RNF24: variants seen among roughly 807,000 people sequenced by gnomAD.
RNF24 encodes ring finger protein 24.
In RNF24, 14 loss-of-function variants were observed where a neutral mutation model predicts 20.0. The ratio of observed to expected loss-of-function variants is 0.70; its 90% CI spans 0.46 to 1.10. RNF24 has a LOEUF of 1.10. RNF24 is among the 50% of genes least tolerant of loss of function. The pLI is 0.00. For missense variants in RNF24, 124 were observed against 177.6 expected, an observed-to-expected ratio of 0.70 and a Z score of 1.71; for synonymous variants, 45 against 61.1, an observed-to-expected ratio of 0.74 and a Z score of 1.23.
chr20:4,012,070 T>C (rs1247661392), intron 1 of RNF24, among the ~76,000 whole-genome samples: 1 of 152,204 alleles, frequency 6.6e-6, no homozygotes, highest in Non-Finnish European at 1.5e-5. Context: ...AGCTAACACA[T>C]TGTAATAGCA....
rs369077562 is a variant in RNF24 at position 3,963,856 on chromosome 20, T to A, written c.143+19A>T. On this transcript the variant is annotated intron_variant, in intron 2 of 5. Transcript: ENST00000358395. ...TTATTTAACATATTTTGAAGTAACA[T>A]AGAATGAAAATTGGTTACCTAATCA... 265 of 1,528,204 alleles carry A rather than the reference T, an allele frequency of 1.7e-4. No individual in the cohort carries two copies. The highest frequency in any genetic ancestry group is 2.3e-4 in the Non-Finnish European group (254 of 1,120,708). The allele number at this position is 1,528,204 out of a possible 1,614,324, so 94.7% of individuals were successfully genotyped here.
chr20:3,928,617 C>G lies in RNF24; in HGVS notation c.*5446G>C. 1 of 151,402 alleles carries G rather than the reference C, an allele frequency of 6.6e-6. No individual in the cohort carries two copies. The highest frequency in any genetic ancestry group is 1.5e-5 in the Non-Finnish European group (1 of 67,822). 9.4% of individuals were successfully genotyped at this position (151,402 alleles called of 1,614,324 possible). ...CTAAAAATACAAAAAATTAGCCGAG[C>G]GTGGTGGCGGGCACCTGTTGTCCCA... On this transcript the variant is annotated 3_prime_UTR_variant, in exon 6 of 6. Coordinates refer to ENST00000358395, the MANE Select transcript of RNF24 (RefSeq NM_001134337.3).
intron 1 of RNF24, among the ~76,000 whole-genome samples, chr20:3,985,055 CAA>C (rs1329335815): frequency 8.5e-5 from 13 of 152,184 alleles, no homozygotes; most frequent in Non-Finnish European, 1.2e-4. Context: ...ACAACAACCA[CAA>C]CAACAACCAC....
At chr20:4,008,420 TATATATA>T (rs1213103251) in intron 1 of RNF24, among the ~76,000 whole-genome samples, 1 of 44,656 alleles carries the variant, frequency 2.2e-5, no homozygotes, top group African/African-American at 1.1e-4. Flanking sequence ...ATATATATAT[TATATATA>T]ATATATAATA....
At chr20:3,974,211 G>C (rs1978656323) in intron 1 of RNF24, 7 of 927,628 alleles carry the variant, frequency 7.5e-6, no homozygotes, top group Non-Finnish European at 9.2e-6. Flanking sequence ...AAATGGAAGA[G>C]AACTTCTTCA....
chr20:3,933,099 A>G lies in RNF24; in HGVS notation c.*964T>C. The G allele has an allele frequency of 2.6e-6, 1 of 378,922 alleles. No individual in the cohort carries two copies. Among genetic ancestry groups the G allele is most frequent in the African/African-American group, 2.2e-5 (1 of 45,694 alleles). The allele number at this position is 378,922 out of a possible 1,614,324, so 23.5% of individuals were successfully genotyped here. ...TTTTTTTTTTTTTTCTGAAGTAGAA[A>G]GAGAGATAGGGCAAGAGAGAGAAGA... On this transcript the variant is annotated 3_prime_UTR_variant, in exon 6 of 6. Transcript: ENST00000358395.
intron 4 of RNF24, among the ~76,000 whole-genome samples, chr20:3,939,160 TCTC>T (rs2090925624): frequency 6.6e-6 from 1 of 152,052 alleles, no homozygotes; most frequent in African/African-American, 2.4e-5. Flanking sequence ...TATGTTTATT[TCTC>T]CTTTTTGTTT....
chr20:3,988,792 T>A (rs938573669), intron 1 of RNF24, among the ~76,000 whole-genome samples: 3 of 152,180 alleles, frequency 2.0e-5, no homozygotes, highest in Non-Finnish European at 4.4e-5. Flanking sequence ...TTTTGGATAA[T>A]AGATTATGTT....
rs1429921679 is a variant in RNF24 at position 3,978,709 on chromosome 20, G to T, written c.-7-14685C>A. 2.0e-5 allele frequency among the ~76,000 whole-genome samples: 3 copies of T among 152,020 alleles called. No homozygotes were observed. The East Asian group carries it at 5.8e-4, about 29-fold the overall frequency. Reference sequence around the variant, plus strand: ...TATTTTTAAAAAAAGTAGAAATAAAGGCTAAAAAGCTATATGAACAATGAT... The same window carrying T: ...TATTTTTAAAAAAAGTAGAAATAAATGCTAAAAAGCTATATGAACAATGAT... On this transcript the variant is annotated intron_variant, in intron 1 of 5. Transcript: ENST00000358395.
At chr20:3,946,452 C>T (rs1234713982) in intron 3 of RNF24, among the ~76,000 whole-genome samples, 5 of 150,960 alleles carry the variant, frequency 3.3e-5, no homozygotes, top group Admixed American at 6.6e-5. Context: ...GAGACCCTGT[C>T]TCAAAACAAA....
chr20:3,998,464 A>T (rs1295419763), intron 1 of RNF24, among the ~76,000 whole-genome samples: 1 of 150,068 alleles, frequency 6.7e-6, no homozygotes, highest in Admixed American at 6.7e-5. Flanking sequence ...AGTCCCAGCT[A>T]CTTGGGAGGC....
intron 1 of RNF24, among the ~76,000 whole-genome samples, chr20:3,964,819 A>G (rs1338384212): frequency 6.6e-6 from 1 of 151,982 alleles, no homozygotes; most frequent in Non-Finnish European, 1.5e-5. Flanking sequence ...TGCCCGGCCA[A>G]TTTCTCCCCA....
At chr20:3,974,279 A>G in intron 1 of RNF24, 1 of 1,535,950 alleles carries the variant, frequency 6.5e-7, no homozygotes. Context: ...AACAATAACA[A>G]CAAAAACTGT....
At chr20:3,966,128 C>A (rs1243317141) in intron 1 of RNF24, among the ~76,000 whole-genome samples, 4 of 66,018 alleles carry the variant, frequency 6.1e-5, no homozygotes, top group Admixed American at 2.4e-4. Context: ...AGCGAGATTC[C>A]ATCTCAAAAA....
At chr20:3,944,004 G>A (rs1315581844) in intron 4 of RNF24, among the ~76,000 whole-genome samples, 1 of 152,104 alleles carries the variant, frequency 6.6e-6, no homozygotes, top group East Asian at 1.9e-4. Flanking sequence ...GAGGTCAGGA[G>A]TTCAAGACCA....
At chr20:3,948,345 A>C in intron 2 of RNF24, 66 bp from the exon 3 acceptor site, 1 of 1,160,838 alleles carries the variant, frequency 8.6e-7, no homozygotes. Context: ...GAAAAATAAA[A>C]AGTTGCTGAT....
intron 1 of RNF24, among the ~76,000 whole-genome samples, chr20:3,969,555 G>A (rs73580294): frequency 0.16 from 23,826 of 150,000 alleles, 2,124 homozygotes; most frequent in African/African-American, 0.24. Context: ...GCCAAAGGAT[G>A]ACAAAAGGAG....
chr20:3,962,498 C>T (rs546597735), intron 2 of RNF24, among the ~76,000 whole-genome samples: 78 of 151,186 alleles, frequency 5.2e-4, no homozygotes, highest in African/African-American at 1.9e-3. Context: ...TTTTTTCTTT[C>T]CACTAAGGAA....
chr20:3,951,529 T>G (rs1260288776), intron 2 of RNF24, among the ~76,000 whole-genome samples: 1 of 152,220 alleles, frequency 6.6e-6, no homozygotes, highest in African/African-American at 2.4e-5. Flanking sequence ...TAAACTCTAA[T>G]GGTGGTTTTG....
Sources: gnomAD v4.1 joint callset for allele counts (sites outside exome capture counted in the v4.1 genomes callset) on GRCh38, gnomAD v4.1.1 for gene constraint, MANE v1.5 for transcripts, NCBI Gene and HGNC (gene_info 2026-07-23, HGNC 2026-07-21) for gene names.